MOB1B: variants seen among roughly 807,000 people sequenced by gnomAD.
MOB1B encodes the protein MOB kinase activator 1B.
A neutral mutation model predicts 24.4 loss-of-function variants in MOB1B; 19 were observed. The observed-to-expected ratio is 0.78, with a 90% CI of 0.54 to 1.14. MOB1B has a LOEUF of 1.14. Ranked by LOEUF, MOB1B falls within the 50% of genes most tolerant of loss-of-function variation. MOB1B has a pLI of 0.00. For synonymous variants in MOB1B, 76 were observed against 82.1 expected, an observed-to-expected ratio of 0.93 and a Z score of 0.40; for missense variants, 243 against 259.6, an observed-to-expected ratio of 0.94 and a Z score of 0.44.
At chr4:70,971,122 T>G (rs111425418) in intron 3 of MOB1B, among the ~76,000 whole-genome samples, 1,967 of 152,326 alleles carry the variant, frequency 0.013, 37 homozygotes, top group African/African-American at 0.045. Context: ...TTTTGTTCTC[T>G]CCTCACCCTG....
chr4:70,933,422 A>T (rs1373121942), intron 1 of MOB1B, among the ~76,000 whole-genome samples: 2 of 152,054 alleles, frequency 1.3e-5, no homozygotes, highest in African/African-American at 2.4e-5. Context: ...TTGATTAAGC[A>T]TTCAAACTAG....
At chr4:70,916,883 T>C (rs1459109519) in intron 1 of MOB1B, among the ~76,000 whole-genome samples, 2 of 152,226 alleles carry the variant, frequency 1.3e-5, no homozygotes, top group African/African-American at 4.8e-5. Flanking sequence ...ACTGAATTTC[T>C]ATAATCTTCA....
At chr4:70,965,296 CA>C (rs1175536577) in intron 2 of MOB1B, among the ~76,000 whole-genome samples, 1,176 of 36,216 alleles carry the variant, frequency 0.032, 1 homozygote, top group East Asian at 0.1. Context: ...GACTTCATCT[CA>C]AAAAAAAAAA....
intron 2 of MOB1B, among the ~76,000 whole-genome samples, chr4:70,960,408 A>G (rs542613003): frequency 4.7e-4 from 71 of 152,358 alleles, no homozygotes; most frequent in African/African-American, 1.7e-3. Flanking sequence ...ATTTATTTGA[A>G]TTTAGTAAAA....
intron 1 of MOB1B, among the ~76,000 whole-genome samples, chr4:70,927,076 A>G (rs1199003907): frequency 6.6e-6 from 1 of 152,064 alleles, no homozygotes; most frequent in African/African-American, 2.4e-5. Flanking sequence ...CGTGTTACAT[A>G]GATGTGCTCC....
intron 1 of MOB1B, among the ~76,000 whole-genome samples, chr4:70,944,246 G>T (rs997285444): frequency 6.6e-6 from 1 of 152,162 alleles, no homozygotes; most frequent in South Asian, 2.1e-4. Context: ...TGCTGGCCAG[G>T]CTGGTCTCAA....
chr4:70,917,051 C>A (rs1477400025), intron 1 of MOB1B, among the ~76,000 whole-genome samples: 2 of 152,164 alleles, frequency 1.3e-5, no homozygotes, highest in Non-Finnish European at 1.5e-5. Context: ...ATGAGGGATA[C>A]ATTTCTAACA....
intron 1 of MOB1B, among the ~76,000 whole-genome samples, chr4:70,940,280 C>G (rs1259107680): frequency 6.6e-6 from 1 of 152,056 alleles, no homozygotes; most frequent in Non-Finnish European, 1.5e-5. Context: ...GGGCACAGGC[C>G]CAGCCCTCTC....
At chr4:70,907,900 C>T (rs943848571) in intron 1 of MOB1B, among the ~76,000 whole-genome samples, 1 of 152,128 alleles carries the variant, frequency 6.6e-6, no homozygotes, top group Non-Finnish European at 1.5e-5. Flanking sequence ...CCCACCTCAA[C>T]CTCCAGAGTA....
At chr4:70,918,931 G>A (rs1259239623) in intron 1 of MOB1B, among the ~76,000 whole-genome samples, 3 of 152,100 alleles carry the variant, frequency 2.0e-5, no homozygotes, top group African/African-American at 7.2e-5. Context: ...ACGATAGACT[G>A]GATTAAGAAA....
chr4:70,931,055 T>C (rs1736873832), intron 1 of MOB1B, among the ~76,000 whole-genome samples: 1 of 151,822 alleles, frequency 6.6e-6, no homozygotes, highest in South Asian at 2.1e-4. Context: ...ACAGTGGGCC[T>C]TTCCTGACAT....
At chr4:70,950,804 A>C (rs1737774216) in intron 1 of MOB1B, 1 of 1,515,102 alleles carries the variant, frequency 6.6e-7, no homozygotes, top group Admixed American at 2.0e-5. Flanking sequence ...TACTGATGTG[A>C]ATGAAAGGTT....
rs948010959 is a variant in MOB1B at position 70,967,130 on chromosome 4, G to A, written c.182-2801G>A. On this transcript the variant is annotated intron_variant, in intron 2 of 5. Coordinates refer to ENST00000309395, the MANE Select transcript of MOB1B (RefSeq NM_173468.4). ...GGATATCCACCACCAATATGTTACT[G>A]GAGTCTTTTTTTTTTTTTTTTGAGA... Among the ~76,000 whole-genome samples the A allele has an allele frequency of 4.6e-5, 7 of 151,748 alleles. No individual in the cohort carries two copies. In the South Asian group the frequency reaches 1.0e-3, roughly 23 times the overall value.
At chr4:70,918,066 A>G (rs1447809675) in intron 1 of MOB1B, among the ~76,000 whole-genome samples, 2 of 152,230 alleles carry the variant, frequency 1.3e-5, no homozygotes, top group Non-Finnish European at 2.9e-5. Context: ...ATTATCCACA[A>G]AAATATATCC....
intron 1 of MOB1B, among the ~76,000 whole-genome samples, chr4:70,917,320 G>A (rs1046188641): frequency 1.3e-5 from 2 of 152,168 alleles, no homozygotes; most frequent in African/African-American, 4.8e-5. Flanking sequence ...CCCCATTAGT[G>A]CACATAACAG....
At chr4:70,964,049 A>G (rs532052483) in intron 2 of MOB1B, among the ~76,000 whole-genome samples, 2 of 152,356 alleles carry the variant, frequency 1.3e-5, no homozygotes, top group South Asian at 4.1e-4. Context: ...TTTTAAAATG[A>G]TAACTGGTTC....
chr4:70,931,140 T>C (rs1481478629), intron 1 of MOB1B, among the ~76,000 whole-genome samples: 1 of 152,194 alleles, frequency 6.6e-6, no homozygotes, highest in African/African-American at 2.4e-5. Flanking sequence ...TTGGGTACCA[T>C]AAGCTCATGC....
At chr4:70,926,269 T>TA (rs930885434) in intron 1 of MOB1B, among the ~76,000 whole-genome samples, 1 of 151,952 alleles carries the variant, frequency 6.6e-6, no homozygotes, top group African/African-American at 2.4e-5. Context: ...CAGCCATTTT[T>TA]TTTTTTTTTT....
intron 1 of MOB1B, among the ~76,000 whole-genome samples, chr4:70,910,558 G>A (rs1267236618): frequency 6.6e-6 from 1 of 151,682 alleles, no homozygotes; most frequent in African/African-American, 2.4e-5. Flanking sequence ...GTCTCATGAT[G>A]CTGGGACTCT....
Sources: allele counts gnomAD v4.1 joint callset (sites outside exome capture counted in the v4.1 genomes callset), GRCh38; gene constraint gnomAD v4.1.1; transcripts MANE v1.5; gene names NCBI Gene and HGNC (gene_info 2026-07-23, HGNC 2026-07-21).